HHAT: variants seen among roughly 807,000 people sequenced by gnomAD.
HHAT encodes protein-cysteine N-palmitoyltransferase HHAT.
In HHAT, 47 loss-of-function variants were observed where a neutral mutation model predicts 70.8. The observed-to-expected ratio is 0.66, with a 90% CI of 0.53 to 0.85. The LOEUF is 0.85. HHAT is among the 40% of genes least tolerant of loss of function. HHAT has a pLI of 0.00. For synonymous variants in HHAT, 228 were observed against 247.6 expected (o/e 0.92, Z 0.74); for missense variants, 609 against 604.8 (o/e 1.01, Z -0.07).
chr1:210,392,630 AATAGAG>A (rs774567942), intron 4 of HHAT, among the ~76,000 whole-genome samples: 3 of 152,158 alleles, frequency 2.0e-5, no homozygotes, highest in Non-Finnish European at 4.4e-5. Context: ...TTAAAAAAAT[AATAGAG>A]ATAGAGTCTT....
intron 10 of HHAT, among the ~76,000 whole-genome samples, chr1:210,596,934 G>A (rs555561140): frequency 7.2e-5 from 11 of 152,264 alleles, no homozygotes; most frequent in African/African-American, 2.6e-4. Context: ...AGTCTTCACA[G>A]TTTGGGCTTC....
chr1:210,535,929 C>G (rs762757363), intron 9 of HHAT, among the ~76,000 whole-genome samples: 1 of 152,100 alleles, frequency 6.6e-6, no homozygotes, highest in Non-Finnish European at 1.5e-5. Flanking sequence ...GAGCAGCTTG[C>G]GGATGCTCAA....
rs187046359 is a variant in HHAT, at chr1:210,637,199, A to G, written c.1390+13529A>G. 2.1e-3 allele frequency among the ~76,000 whole-genome samples: 318 copies of G among 152,344 alleles called. 2 individuals are homozygous for G. The highest frequency in any genetic ancestry group is 7.3e-3 in the African/African-American group (303 of 41,578). On this transcript the variant is annotated intron_variant, in intron 11 of 11. Transcript: ENST00000261458. Reference sequence around the variant, plus strand: ...GCCCCATTTTTCTTCTATCAAAATAATTTGGTGGATATGTACATGCAAAAG... The same window carrying G: ...GCCCCATTTTTCTTCTATCAAAATAGTTTGGTGGATATGTACATGCAAAAG...
At chr1:210,564,810 TGGGGA>T (rs1206326803) in intron 9 of HHAT, among the ~76,000 whole-genome samples, 14 of 117,206 alleles carry the variant, frequency 1.2e-4, no homozygotes, top group South Asian at 2.9e-4. Context: ...GCTGATGGAA[TGGGGA>T]GGGGAGGGGA....
At chr1:210,640,539 GT>G (rs144510897) in intron 11 of HHAT, among the ~76,000 whole-genome samples, 3 of 149,968 alleles carry the variant, frequency 2.0e-5, no homozygotes, top group Non-Finnish European at 3.0e-5. Flanking sequence ...TGTGGACACA[GT>G]TTTTTTTTTC....
At chr1:210,637,877 G>GT (rs372363898) in intron 11 of HHAT, among the ~76,000 whole-genome samples, 2 of 149,894 alleles carry the variant, frequency 1.3e-5, no homozygotes, top group East Asian at 1.9e-4. Context: ...AAAAAGGGGG[G>GT]GGCAAAGGAC....
intron 8 of HHAT, among the ~76,000 whole-genome samples, chr1:210,473,382 T>C (rs2094242967): frequency 6.6e-6 from 1 of 152,180 alleles, no homozygotes; most frequent in African/African-American, 2.4e-5. Flanking sequence ...CATGATGGCC[T>C]GAACTAGTTT....
At chr1:210,373,499 G>A (rs2089765548) in intron 3 of HHAT, among the ~76,000 whole-genome samples, 1 of 152,208 alleles carries the variant, frequency 6.6e-6, no homozygotes, top group African/African-American at 2.4e-5. Flanking sequence ...AAGATGTAAA[G>A]TGGGGTGTCT....
intron 11 of HHAT, among the ~76,000 whole-genome samples, chr1:210,652,691 A>G (rs1186603688): frequency 2.8e-5 from 4 of 143,066 alleles, no homozygotes; most frequent in African/African-American, 7.7e-5. Context: ...AAAAGGCAGC[A>G]GCCTGTAAGA....
intron 3 of HHAT, among the ~76,000 whole-genome samples, chr1:210,371,591 C>T (rs2089577771): frequency 6.6e-6 from 1 of 152,206 alleles, no homozygotes; most frequent in Non-Finnish European, 1.5e-5. Context: ...ATCCAGTTTT[C>T]TGGTAAGACA....
intron 2 of HHAT, 102 bp from the exon 3 acceptor site, chr1:210,362,750 G>A: frequency 1.1e-6 from 1 of 917,912 alleles, no homozygotes; most frequent in Non-Finnish European, 1.8e-6. Context: ...TCCACTGGCT[G>A]CTTTTCCAGG....
chr1:210,604,035 C>A (rs138740864), intron 10 of HHAT, among the ~76,000 whole-genome samples: 1 of 152,150 alleles, frequency 6.6e-6, no homozygotes, highest in African/African-American at 2.4e-5. Context: ...AGGTGAAGTT[C>A]ATCCATCAAA....
intron 9 of HHAT, among the ~76,000 whole-genome samples, chr1:210,556,950 C>G: frequency 6.6e-6 from 1 of 152,246 alleles, no homozygotes; most frequent in Middle Eastern, 3.4e-3. Context: ...TGAAGGACAG[C>G]GTAGGATTGT....
chr1:210,477,758 G>A (rs1291591807), intron 8 of HHAT, among the ~76,000 whole-genome samples: 4 of 152,190 alleles, frequency 2.6e-5, no homozygotes, highest in African/African-American at 9.7e-5. Flanking sequence ...TTGCGAGGCA[G>A]TCAGGCAAGG....
intron 7 of HHAT, among the ~76,000 whole-genome samples, chr1:210,423,674 T>A (rs2092971508): frequency 6.6e-6 from 1 of 152,206 alleles, no homozygotes; most frequent in Non-Finnish European, 1.5e-5. Flanking sequence ...CTTCTAGTAT[T>A]TTTATTGCTT....
In HHAT at chr1:210,587,973, A is replaced by G. The variant is rs1328849400; in HGVS notation, c.1119A>G (p.Ala373=). ...TGTTTTCCACGGCGATGACATTTGC[A>G]TTTGTGAGCTACTGGCATGGCGGCT... is the stretch of plus-strand genomic sequence containing the variant. The part of the protein sequence containing the change: ...GTLFSTAMTF[A]FVSYWHGGYD... The change falls in exon 10 of 12, where the codon GCA becomes GCG. Residue 373 remains alanine (A), a synonymous_variant. Transcript: ENST00000261458. 1 of 1,614,120 alleles carries G rather than the reference A, an allele frequency of 6.2e-7. No individual in the cohort carries two copies. Among genetic ancestry groups the G allele is most frequent in the Non-Finnish European group, 8.5e-7 (1 of 1,180,014 alleles).
At position 210,400,998 on chromosome 1, in the gene HHAT, T is replaced by C. The variant is rs185841535; in HGVS notation, c.468+336T>C. ...AACAGATGATTTACTAAAAAACATC[T>C]GGAGAGTGCCCTACAATTTATAGGG... On this transcript the variant is annotated intron_variant, in intron 5 of 11. Coordinates refer to ENST00000261458, the MANE Select transcript of HHAT (RefSeq NM_018194.6). Among the ~76,000 whole-genome samples the C allele has an allele frequency of 6.9e-4, 105 of 152,358 alleles. 1 individual carries two copies. Among genetic ancestry groups the C allele is most frequent in the Admixed American group, 5.9e-3 (90 of 15,300 alleles).
chr1:210,432,485 C>T (rs1572399362), intron 7 of HHAT, among the ~76,000 whole-genome samples: 1 of 152,008 alleles, frequency 6.6e-6, no homozygotes, highest in East Asian at 1.9e-4. Flanking sequence ...TCATAATTGA[C>T]TTTGGTCATG....
At chr1:210,338,110 G>A (rs1239403419) in intron 1 of HHAT, among the ~76,000 whole-genome samples, 1 of 152,098 alleles carries the variant, frequency 6.6e-6, no homozygotes, top group Non-Finnish European at 1.5e-5. Context: ...ACTTTGGGAG[G>A]TGTAGGTGGG....
Sources: gnomAD v4.1 joint callset for allele counts (sites outside exome capture counted in the v4.1 genomes callset) on GRCh38, gnomAD v4.1.1 for gene constraint, MANE v1.5 for transcripts, NCBI Gene and HGNC (gene_info 2026-07-23, HGNC 2026-07-21) for gene names.